ZBTB20: variants seen among roughly 807,000 people sequenced by gnomAD.
ZBTB20 encodes zinc finger and BTB domain containing 20.
ZBTB20 carries 9 observed loss-of-function variants against 56.9 expected under a neutral mutation model. The ratio of observed to expected loss-of-function variants is 0.16; its 90% CI spans 0.10 to 0.28. The LOEUF (loss-of-function observed/expected upper bound fraction) is 0.28. Among genes scored for constraint, ZBTB20 ranks in the 10% least tolerant of loss-of-function variants. The pLI, the probability that ZBTB20 is intolerant of heterozygous loss-of-function variation, is 1.00. For synonymous variants in ZBTB20, 417 were observed against 420.7 expected, an observed-to-expected ratio of 0.99 and a Z score of 0.11; for missense variants, 655 against 1,003.0, an observed-to-expected ratio of 0.65 and a Z score of 4.69.
At chr3:114,691,749 GT>G (rs1289300512) in intron 6 of ZBTB20, among the ~76,000 whole-genome samples, 2 of 152,028 alleles carry the variant, frequency 1.3e-5, no homozygotes, top group African/African-American at 4.8e-5. Context: ...GAAAATGAGA[GT>G]AAGGAAATAT....
intron 4 of ZBTB20, among the ~76,000 whole-genome samples, chr3:114,811,575 G>A (rs2072515612): frequency 6.6e-6 from 1 of 152,148 alleles, no homozygotes; most frequent in African/African-American, 2.4e-5. Flanking sequence ...AATTCAGAAT[G>A]TATAAAGCAT....
intron 5 of ZBTB20, among the ~76,000 whole-genome samples, chr3:114,754,557 T>C (rs1315088680): frequency 6.6e-6 from 1 of 152,166 alleles, no homozygotes; most frequent in Non-Finnish European, 1.5e-5. Flanking sequence ...AAGAGTAGAT[T>C]ATGTGGCAAT....
chr3:114,344,915 TCAC>T lies in ZBTB20; in HGVS notation c.1804+5356_1804+5358del, dbSNP rs1576249493. Among the ~76,000 whole-genome samples, 5 of 152,132 alleles carry T rather than the reference TCAC, an allele frequency of 3.3e-5. No individual in the cohort carries two copies. The East Asian group carries it at 9.6e-4, about 29-fold the overall frequency. ...GAGGATACCAATGGGCTAAAAACAG[TCAC>T]CAGTGAACGGGCTGTTGATAATATG... On this transcript the variant is annotated intron_variant, in intron 11 of 11. Coordinates refer to ENST00000675478, the MANE Select transcript of ZBTB20 (RefSeq NM_001348800.3).
At chr3:114,525,450 T>C (rs1221332064) in intron 6 of ZBTB20, among the ~76,000 whole-genome samples, 2 of 152,090 alleles carry the variant, frequency 1.3e-5, no homozygotes, top group African/African-American at 2.4e-5. Context: ...ATTCAGATGA[T>C]TTCATCATAT....
rs534967998 is a variant in ZBTB20, at chr3:114,648,793, T to C, written c.-295+44735A>G. Reference sequence around the variant, plus strand: ...ATTGACACTGTCAGAGGATTATCATTAAATTTCAACCCAAAGGCAACTAAC... The same window carrying C: ...ATTGACACTGTCAGAGGATTATCATCAAATTTCAACCCAAAGGCAACTAAC... On this transcript the variant is annotated intron_variant, in intron 6 of 11. Transcript: ENST00000675478. 7.9e-5 allele frequency among the ~76,000 whole-genome samples: 12 copies of C among 152,140 alleles called. No homozygotes were observed. In the South Asian group the frequency reaches 2.3e-3, roughly 29 times the overall value.
rs1407770485 is a variant in ZBTB20, at chr3:114,324,650, A to G, written c.*14355T>C. 6.6e-6 allele frequency: 1 copy of G among 152,244 alleles called. No homozygotes were observed. Among genetic ancestry groups the G allele is most frequent in the African/African-American group, 2.4e-5 (1 of 41,470 alleles). The allele number at this position is 152,244 out of a possible 1,614,324, so 9.4% of individuals were successfully genotyped here. A position where few individuals can be genotyped will look rare whatever the true frequency, so the allele number is the denominator to read the frequency against. On this transcript the variant is annotated 3_prime_UTR_variant, in exon 12 of 12. Coordinates refer to ENST00000675478, the MANE Select transcript of ZBTB20 (RefSeq NM_001348800.3). ...CAATTATTAAATACAAAAGTGAATT[A>G]TTACAGCAAAATTAAGAGTCTGCAT...
chr3:114,608,562 G>C (rs1262026759), intron 6 of ZBTB20, among the ~76,000 whole-genome samples: 1 of 152,046 alleles, frequency 6.6e-6, no homozygotes, highest in Non-Finnish European at 1.5e-5. Context: ...TGTTTCTGTG[G>C]TGTGTCTTAA....
intron 8 of ZBTB20, among the ~76,000 whole-genome samples, chr3:114,384,149 ATT>A (rs2084785260): frequency 1.9e-5 from 2 of 103,054 alleles, no homozygotes; most frequent in African/African-American, 4.0e-5. Flanking sequence ...TCTCTCTCTC[ATT>A]TTCTCTCTCT....
rs183345492 is a variant in ZBTB20 at position 114,575,454 on chromosome 3, A to G, written c.-294-75063T>C. Among the ~76,000 whole-genome samples, 369 of 152,276 alleles carry G rather than the reference A, an allele frequency of 2.4e-3. 2 individuals are homozygous for G. Among genetic ancestry groups the G allele is most frequent in the African/African-American group, 7.5e-3 (313 of 41,552 alleles). ...TGCTTTGCCACAATAAAAGCACAGT[A>G]TTTTTTATCCTAGCATATTGCAGAT... is the stretch of plus-strand genomic sequence containing the variant. On this transcript the variant is annotated intron_variant, in intron 6 of 11. Coordinates refer to ENST00000675478, the MANE Select transcript of ZBTB20 (RefSeq NM_001348800.3).
At chr3:114,679,839 A>G (rs2061862460) in intron 6 of ZBTB20, among the ~76,000 whole-genome samples, 1 of 152,232 alleles carries the variant, frequency 6.6e-6, no homozygotes, top group Non-Finnish European at 1.5e-5. Context: ...ATGCACACAT[A>G]TGTTTATTGC....
At position 114,483,722 on chromosome 3, in the gene ZBTB20, A is replaced by T. The variant is rs375929232; in HGVS notation, c.-255+16630T>A. On this transcript the variant is annotated intron_variant, in intron 7 of 11. Transcript: ENST00000675478. ...CGAGGTCATAGACTTAATTGGTAGG[A>T]GTTGCTACTTTCGAAGAGTGAAATG... 3.2e-4 allele frequency among the ~76,000 whole-genome samples: 49 copies of T among 152,292 alleles called. No homozygotes were observed. In the East Asian group the frequency reaches 5.0e-3, roughly 16 times the overall value.
At chr3:114,932,883 A>G (rs1168400133) in intron 3 of ZBTB20, among the ~76,000 whole-genome samples, 1 of 152,132 alleles carries the variant, frequency 6.6e-6, no homozygotes, top group Non-Finnish European at 1.5e-5. Flanking sequence ...CTTTTTTTGA[A>G]CAATAGATTG....
intron 6 of ZBTB20, among the ~76,000 whole-genome samples, chr3:114,600,199 G>T (rs950992): frequency 3.3e-5 from 5 of 151,904 alleles, no homozygotes; most frequent in African/African-American, 1.2e-4. Context: ...AACTTCTGTT[G>T]TCAAATCAAA....
chr3:114,892,756 A>G (rs2076866493), intron 4 of ZBTB20, among the ~76,000 whole-genome samples: 1 of 152,184 alleles, frequency 6.6e-6, no homozygotes, highest in Non-Finnish European at 1.5e-5. Flanking sequence ...CAGGACATCA[A>G]ACTAGTTGAA....
intron 5 of ZBTB20, among the ~76,000 whole-genome samples, chr3:114,752,187 T>C (rs1278199342): frequency 6.6e-6 from 1 of 152,146 alleles, no homozygotes; most frequent in East Asian, 1.9e-4. Flanking sequence ...AATAATTTGG[T>C]AAAGATCACA....
At chr3:114,479,570 T>C (rs1257484886) in intron 7 of ZBTB20, among the ~76,000 whole-genome samples, 1 of 152,242 alleles carries the variant, frequency 6.6e-6, no homozygotes, top group Non-Finnish European at 1.5e-5. Context: ...CATATTTGTA[T>C]TGTCCAACCT....
intron 4 of ZBTB20, among the ~76,000 whole-genome samples, chr3:114,868,610 C>A (rs1195877591): frequency 6.6e-6 from 1 of 152,148 alleles, no homozygotes; most frequent in Non-Finnish European, 1.5e-5. Flanking sequence ...GCTAAAAATG[C>A]TTAAATATAC....
rs2693059 is a variant in ZBTB20 at position 114,389,053 on chromosome 3, G to C, written c.-202C>G. Reference sequence around the variant, plus strand: ...CACTCTTCAGGTAAATTACTCCAAGGCTTGGGCCTAGTGCAGATGTTCATT... The same window carrying C: ...CACTCTTCAGGTAAATTACTCCAAGCCTTGGGCCTAGTGCAGATGTTCATT... On this transcript the variant is annotated 5_prime_UTR_variant, in exon 8 of 12. Coordinates refer to ENST00000675478, the MANE Select transcript of ZBTB20 (RefSeq NM_001348800.3). 7 of 152,170 alleles carry C rather than the reference G, an allele frequency of 4.6e-5. No homozygotes were observed. The highest frequency in any genetic ancestry group is 1.7e-4 in the African/African-American group (7 of 41,418). 9.4% of individuals were successfully genotyped at this position (152,170 alleles called of 1,614,324 possible).
chr3:114,814,135 T>A (rs1342786841), intron 4 of ZBTB20, among the ~76,000 whole-genome samples: 1 of 151,740 alleles, frequency 6.6e-6, no homozygotes, highest in Admixed American at 6.6e-5. Context: ...TCTGTAAATG[T>A]AGGTAAGATC....
Sources: gnomAD v4.1 joint callset for allele counts (sites outside exome capture counted in the v4.1 genomes callset) on GRCh38, gnomAD v4.1.1 for gene constraint, MANE v1.5 for transcripts, NCBI Gene and HGNC (gene_info 2026-07-23, HGNC 2026-07-21) for gene names.